PCDHA1: variants seen among roughly 807,000 people sequenced by gnomAD.
PCDHA1 encodes the protein protocadherin alpha-1.
In PCDHA1, 42 loss-of-function variants were observed where a neutral mutation model predicts 61.3. The ratio of observed to expected loss-of-function variants is 0.69; its 90% CI spans 0.54 to 0.89. The LOEUF is 0.89. Ranked by LOEUF, PCDHA1 falls within the 40% of genes least tolerant of loss-of-function variation. The pLI, the probability that PCDHA1 is intolerant of heterozygous loss-of-function variation, is 0.00. For synonymous variants in PCDHA1, 610 were observed against 553.8 expected (o/e 1.10, Z -1.43); for missense variants, 1,256 against 1,235.3 (o/e 1.02, Z -0.25).
intron 1 of PCDHA1, among the ~76,000 whole-genome samples, chr5:140,932,398 T>C (rs1163806647): frequency 6.6e-6 from 1 of 151,960 alleles, no homozygotes; most frequent in Non-Finnish European, 1.5e-5. Flanking sequence ...AGTTTCAACA[T>C]ACCAATGTTA....
chr5:140,899,584 G>A (rs2153464513), intron 1 of PCDHA1, among the ~76,000 whole-genome samples: 1 of 152,292 alleles, frequency 6.6e-6, no homozygotes, highest in African/African-American at 2.4e-5. Flanking sequence ...CGGTTTGCCA[G>A]TATTTTATTG....
Position 140,843,320 on chromosome 5 carries a change from G to T in PCDHA1, c.2394+54636G>T, listed in dbSNP as rs2150357378. ...GCTGACCGCCACGGCCACGGTTCTGGTGTCGCTGGTGGAGAGCGGCCAGGC... is the reference window on the plus strand; with the variant it reads ...GCTGACCGCCACGGCCACGGTTCTGTTGTCGCTGGTGGAGAGCGGCCAGGC... On this transcript the variant is annotated intron_variant, in intron 1 of 3. Coordinates refer to ENST00000504120, the MANE Select transcript of PCDHA1 (RefSeq NM_018900.4). 2.5e-6 allele frequency: 4 copies of T among 1,596,056 alleles called. No individual in the cohort carries two copies. The South Asian group carries it at 4.4e-5, about 18-fold the overall frequency.
chr5:140,926,106 G>A (rs952874240), intron 1 of PCDHA1, among the ~76,000 whole-genome samples: 9 of 152,176 alleles, frequency 5.9e-5, no homozygotes, highest in African/African-American at 2.2e-4. Flanking sequence ...GGATACAAGA[G>A]GGTGCAGGAC....
intron 1 of PCDHA1, chr5:140,806,987 C>A: frequency 3.0e-6 from 2 of 656,776 alleles, no homozygotes; most frequent in Non-Finnish European, 5.1e-6. Flanking sequence ...TTTGGAGCCA[C>A]ATGATGTCGC....
chr5:140,967,460 G>C, intron 1 of PCDHA1: 1 of 1,613,538 alleles, frequency 6.2e-7, no homozygotes, highest in African/African-American at 1.3e-5. Context: ...AGCCGTGGAT[G>C]GGGGCATCCC....
intron 1 of PCDHA1, chr5:140,871,144 A>T (rs1554165205): frequency 6.2e-7 from 1 of 1,613,222 alleles, no homozygotes; most frequent in African/African-American, 1.3e-5. Context: ...CTCTTCCCGG[A>T]CTTTGGCGGG....
chr5:140,988,900 G>A (rs2097319351), intron 3 of PCDHA1: 1 of 152,194 alleles, frequency 6.6e-6, no homozygotes, highest in Admixed American at 6.5e-5. Context: ...ACATTTTAGA[G>A]GGTGTAGTGA....
intron 3 of PCDHA1, among the ~76,000 whole-genome samples, chr5:140,996,776 A>G (rs1554255393): frequency 6.6e-6 from 1 of 152,206 alleles, no homozygotes; most frequent in Non-Finnish European, 1.5e-5. Flanking sequence ...TAAAATGAGT[A>G]GTGCCTCACT....
rs782040077 is a variant in PCDHA1 at position 140,787,137 on chromosome 5, A to G, written c.847A>G (p.Ser283Gly). 22 of 1,613,958 alleles carry G rather than the reference A, an allele frequency of 1.4e-5. No homozygotes were observed. The Middle Eastern group carries it at 6.6e-4, about 48-fold the overall frequency. The change falls in exon 1 of 4, where the codon AGT (serine) becomes GGT (glycine). Residue 283 changes from serine (S) to glycine (G), a missense_variant. Physicochemically the swap from Ser to Gly is moderately conservative, Grantham distance 56 (BLOSUM62 0). Transcript: ENST00000504120. ...TGGTGAAGTCGTCTTTTCCTTTGAC[A>G]GTGGTATTTCTCGTGACATTCAAGA... ...VNGEVVFSFD[S>G]GISRDIQEKF...
At chr5:140,940,894 T>G (rs1364224332) in intron 1 of PCDHA1, among the ~76,000 whole-genome samples, 1 of 152,240 alleles carries the variant, frequency 6.6e-6, no homozygotes, top group Non-Finnish European at 1.5e-5. Flanking sequence ...AGTAAACCAC[T>G]TTAAATCAAG....
At chr5:140,885,291 G>A (rs1554182107) in intron 1 of PCDHA1, among the ~76,000 whole-genome samples, 6 of 152,132 alleles carry the variant, frequency 3.9e-5, no homozygotes, top group Non-Finnish European at 8.8e-5. Context: ...TATATAGAGA[G>A]AGACCTGGTA....
Position 140,786,977 on chromosome 5 carries a change from G to A in PCDHA1, c.687G>A (p.Leu229=). The part of the protein sequence containing the change: ...KPELQGTVEL[L]ITVLDVNDNA... ...AGCTGCAAGGTACAGTTGAGCTGCT[G>A]ATCACCGTCCTCGACGTTAATGATA... The change falls in exon 1 of 4, where the codon CTG becomes CTA. Residue 229 remains leucine (L), a synonymous_variant. Coordinates refer to ENST00000504120, the MANE Select transcript of PCDHA1 (RefSeq NM_018900.4). The A allele has an allele frequency of 6.2e-7, 1 of 1,614,164 alleles. No individual in the cohort carries two copies. The highest frequency in any genetic ancestry group is 1.7e-5 in the Admixed American group (1 of 60,026).
chr5:140,801,795 T>G (rs141036392), intron 1 of PCDHA1: 23 of 1,613,804 alleles, frequency 1.4e-5, no homozygotes, highest in African/African-American at 2.7e-5. Flanking sequence ...GAAAAAAAAT[T>G]TAAATCGAGA....
At chr5:140,796,429 C>G (rs782389342) in intron 1 of PCDHA1, 4 of 1,613,724 alleles carry the variant, frequency 2.5e-6, no homozygotes, top group African/African-American at 2.7e-5. Flanking sequence ...GGAGAACGCG[C>G]TGGTGTCCTA....
intron 3 of PCDHA1, among the ~76,000 whole-genome samples, chr5:140,997,912 A>T (rs2097790316): frequency 1.3e-5 from 2 of 152,224 alleles, no homozygotes. Context: ...GTAGAATTAC[A>T]GAATCATAGG....
intron 1 of PCDHA1, among the ~76,000 whole-genome samples, chr5:140,899,982 A>T (rs185115696): frequency 3.3e-4 from 49 of 150,716 alleles, no homozygotes; most frequent in African/African-American, 1.1e-3. Flanking sequence ...TACTTTTTTG[A>T]TTTTTTTTGT....
At chr5:140,977,140 G>A (rs2096748068) in intron 1 of PCDHA1, among the ~76,000 whole-genome samples, 1 of 152,202 alleles carries the variant, frequency 6.6e-6, no homozygotes, top group Non-Finnish European at 1.5e-5. Context: ...GGTCAGTCCT[G>A]CTGGAACTGT....
At chr5:140,949,144 T>C (rs2094347159) in intron 1 of PCDHA1, among the ~76,000 whole-genome samples, 1 of 151,806 alleles carries the variant, frequency 6.6e-6, no homozygotes, top group Non-Finnish European at 1.5e-5. Context: ...TTGTTGCTTT[T>C]GATTTCTAAT....
chr5:140,977,324 C>T (rs1035502087), intron 1 of PCDHA1, among the ~76,000 whole-genome samples: 5 of 152,102 alleles, frequency 3.3e-5, no homozygotes, highest in Non-Finnish European at 4.4e-5. Context: ...CTCCTGATGG[C>T]GAGGGGAGAG....
Sources: gnomAD v4.1 joint callset for allele counts (sites outside exome capture counted in the v4.1 genomes callset) on GRCh38, gnomAD v4.1.1 for gene constraint, MANE v1.5 for transcripts, NCBI Gene and HGNC (gene_info 2026-07-23, HGNC 2026-07-21) for gene names.